The following PALM2AKAP2 variants were observed in gnomAD, a reference collection of about 807,000 sequenced individuals.
PALM2AKAP2 encodes the protein PALM2-AKAP2 fusion protein.
A neutral mutation model predicts 71.5 loss-of-function variants in PALM2AKAP2; 37 were observed. That is an observed-to-expected ratio of 0.52 (90% CI 0.40 to 0.68). The LOEUF (loss-of-function observed/expected upper bound fraction) is 0.68. Among genes scored for constraint, PALM2AKAP2 ranks in the 30% least tolerant of loss-of-function variants. PALM2AKAP2 has a pLI of 0.00. For missense variants in PALM2AKAP2, 1,224 were observed against 1,191.8 expected, an observed-to-expected ratio of 1.03 and a Z score of -0.40; for synonymous variants, 468 against 478.8, an observed-to-expected ratio of 0.98 and a Z score of 0.29.
upstream of PALM2AKAP2, among the ~76,000 whole-genome samples, chr9:110,046,166 G>A (rs989208635): frequency 9.2e-5 from 14 of 152,240 alleles, no homozygotes; most frequent in African/African-American, 3.4e-4. Context: ...TTTGCATGCA[G>A]CCATTCATAC....
intron 7 of PALM2AKAP2, among the ~76,000 whole-genome samples, chr9:110,029,296 T>G (rs1564268314): frequency 6.6e-6 from 1 of 152,220 alleles, no homozygotes; most frequent in African/African-American, 2.4e-5. Flanking sequence ...GGGATATCAG[T>G]GTTAGCCTAA....
intron 1 of PALM2AKAP2, among the ~76,000 whole-genome samples, chr9:109,743,501 A>ACC (rs1348357229): frequency 1.3e-5 from 2 of 152,218 alleles, no homozygotes; most frequent in African/African-American, 2.4e-5. Context: ...CCAACCCCAT[A>ACC]CCATGTATGA....
exon 4 of PALM2AKAP2, chr9:110,172,205 G>A (rs1021189425): frequency 1.3e-5 from 2 of 152,518 alleles, no homozygotes; most frequent in Non-Finnish European, 2.9e-5. Context: ...GTTAGAGATG[G>A]TGAATATATT....
At chr9:109,680,796 A>G (rs1827715676) in intron 1 of PALM2AKAP2, among the ~76,000 whole-genome samples, 1 of 152,210 alleles carries the variant, frequency 6.6e-6, no homozygotes, top group Non-Finnish European at 1.5e-5. Flanking sequence ...TCCGTTGGTG[A>G]CAAGGTCACA....
chr9:109,867,162 C>CTGTGTGTGTG (rs747500773), intron 1 of PALM2AKAP2: 4 of 381,456 alleles, frequency 1.0e-5, no homozygotes, highest in Admixed American at 3.0e-5. Flanking sequence ...GAACATGGTT[C>CTGTGTGTGTG]TCTGTGTGTG....
intron 6 of PALM2AKAP2, among the ~76,000 whole-genome samples, chr9:109,975,294 C>T (rs765959083): frequency 2.0e-5 from 3 of 152,190 alleles, no homozygotes; most frequent in Non-Finnish European, 4.4e-5. Flanking sequence ...TGGCACAAGT[C>T]CCAATCCAGG....
At position 109,954,844 on chromosome 9, in the gene PALM2AKAP2, C is replaced by G. The variant is rs796273884; in HGVS notation, c.496+22816C>G. Among the ~76,000 whole-genome samples, 21 of 152,120 alleles carry G rather than the reference C, an allele frequency of 1.4e-4. 1 individual carries two copies. Among genetic ancestry groups the G allele is most frequent in the African/African-American group, 5.1e-4 (21 of 41,502 alleles). ...CCAATAATAATAAATTAAGAGAGTTCTTATTTTAAAAGTATATTTCCGACT... is the reference window on the plus strand; with the variant it reads ...CCAATAATAATAAATTAAGAGAGTTGTTATTTTAAAAGTATATTTCCGACT... On this transcript the variant is annotated intron_variant, in intron 6 of 9. Coordinates refer to the PALM2AKAP2 transcript ENST00000302798.
At chr9:110,065,569 C>T (rs1313055209) in intron 1 of PALM2AKAP2, among the ~76,000 whole-genome samples, 1 of 152,212 alleles carries the variant, frequency 6.6e-6, no homozygotes, top group Non-Finnish European at 1.5e-5. Flanking sequence ...AAAATGTACC[C>T]TCTAAACCAT....
chr9:109,847,591 A>G (rs1220930689), intron 1 of PALM2AKAP2: 2 of 152,246 alleles, frequency 1.3e-5, no homozygotes, highest in Non-Finnish European at 2.9e-5. Flanking sequence ...AATACAAAAA[A>G]GTAGCTGGCC....
intron 1 of PALM2AKAP2, among the ~76,000 whole-genome samples, chr9:110,053,168 G>C (rs1421470067): frequency 6.6e-6 from 1 of 152,184 alleles, no homozygotes; most frequent in East Asian, 1.9e-4. Flanking sequence ...TCGTGCTCCT[G>C]TCTCCCATCT....
At chr9:110,001,007 C>T (rs1052200515) in intron 6 of PALM2AKAP2, among the ~76,000 whole-genome samples, 9 of 152,164 alleles carry the variant, frequency 5.9e-5, no homozygotes, top group Non-Finnish European at 1.3e-4. Context: ...TGCAGAAGCT[C>T]TTTAGTTTAA....
intron 1 of PALM2AKAP2, among the ~76,000 whole-genome samples, chr9:109,732,708 A>T (rs977585342): frequency 1.3e-5 from 2 of 152,192 alleles, no homozygotes; most frequent in Non-Finnish European, 2.9e-5. Flanking sequence ...TAATGCGGGT[A>T]ATGATGAGTG....
At chr9:110,001,993 G>A (rs1011803049) in intron 6 of PALM2AKAP2, among the ~76,000 whole-genome samples, 13 of 152,082 alleles carry the variant, frequency 8.5e-5, no homozygotes, top group Admixed American at 2.6e-4. Context: ...TTTCCTAATT[G>A]AATACCCTTT....
chr9:109,845,608 T>G (rs796125315), intron 1 of PALM2AKAP2, among the ~76,000 whole-genome samples: 15 of 152,340 alleles, frequency 9.8e-5, no homozygotes, highest in African/African-American at 3.6e-4. Context: ...TTTGTGGAGA[T>G]CTCAGTGGGT....
At chr9:109,749,939 A>G (rs891758870) in intron 1 of PALM2AKAP2, among the ~76,000 whole-genome samples, 2 of 152,228 alleles carry the variant, frequency 1.3e-5, no homozygotes, top group South Asian at 4.1e-4. Flanking sequence ...GTCTTTTGGC[A>G]TTTAGAACCT....
intron 1 of PALM2AKAP2, among the ~76,000 whole-genome samples, chr9:109,848,517 C>T (rs1406178558): frequency 6.6e-6 from 1 of 152,172 alleles, no homozygotes; most frequent in Admixed American, 6.5e-5. Context: ...AGAATGCAGC[C>T]TCCTAGAGCT....
chr9:109,789,968 T>C (rs1335208837), intron 1 of PALM2AKAP2, among the ~76,000 whole-genome samples: 5 of 152,198 alleles, frequency 3.3e-5, no homozygotes, highest in Admixed American at 1.3e-4. Flanking sequence ...TGAACATATA[T>C]TAAAAATACT....
chr9:109,985,043 G>T (rs1297355418), intron 6 of PALM2AKAP2, among the ~76,000 whole-genome samples: 2 of 151,984 alleles, frequency 1.3e-5, no homozygotes, highest in East Asian at 1.9e-4. Flanking sequence ...AGGCATGGTG[G>T]TGCACGCCTG....
chr9:109,939,280 T>A (rs977469239), intron 6 of PALM2AKAP2, among the ~76,000 whole-genome samples: 3 of 152,190 alleles, frequency 2.0e-5, no homozygotes, highest in Admixed American at 6.5e-5. Flanking sequence ...TTCATCATCA[T>A]CTCTCCTTTC....
Sources: gnomAD v4.1 joint callset for allele counts (sites outside exome capture counted in the v4.1 genomes callset) on GRCh38, gnomAD v4.1.1 for gene constraint, MANE v1.5 for transcripts, NCBI Gene and HGNC (gene_info 2026-07-23, HGNC 2026-07-21) for gene names.